DLGAP1: variants seen among roughly 807,000 people sequenced by gnomAD.
DLGAP1 encodes DLG associated protein 1.
Under a neutral mutation model 90.8 loss-of-function variants are expected in DLGAP1, and 11 were observed. The ratio of observed to expected loss-of-function variants is 0.12; its 90% CI spans 0.08 to 0.20. The LOEUF (loss-of-function observed/expected upper bound fraction) is 0.20, where lower values mean the gene tolerates loss of function less well. Among genes scored for constraint, DLGAP1 ranks in the 10% least tolerant of loss-of-function variants. The probability of loss-of-function intolerance (pLI) is 1.00; values close to 1 mark genes in which losing one functional copy is unlikely to be tolerated. For missense variants in DLGAP1, 1,050 were observed against 1,333.8 expected, an observed-to-expected ratio of 0.79 and a Z score of 3.31; for synonymous variants, 558 against 540.7, an observed-to-expected ratio of 1.03 and a Z score of -0.44.
At chr18:3,809,904 G>A (rs1293190257) in intron 5 of DLGAP1, among the ~76,000 whole-genome samples, 1 of 152,194 alleles carries the variant, frequency 6.6e-6, no homozygotes, top group Admixed American at 6.5e-5. Flanking sequence ...CTCCAAGTAA[G>A]AGACTTAAGT....
At chr18:3,877,075 T>A (rs2071023432) in intron 4 of DLGAP1, among the ~76,000 whole-genome samples, 1 of 152,198 alleles carries the variant, frequency 6.6e-6, no homozygotes, top group Non-Finnish European at 1.5e-5. Flanking sequence ...TGACTTGATA[T>A]TTCTAAGTGT....
intron 3 of DLGAP1, among the ~76,000 whole-genome samples, chr18:3,996,647 ATAT>A (rs899098700): frequency 3.0e-4 from 45 of 152,168 alleles, no homozygotes; most frequent in African/African-American, 1.0e-3. Context: ...CAAACAAAAT[ATAT>A]TATTAAAATT....
Position 4,342,921 on chromosome 18 carries a change from G to A in DLGAP1, c.-267+112085C>T, listed in dbSNP as rs2143870584. Among the ~76,000 whole-genome samples the A allele has an allele frequency of 6.6e-6, 1 of 152,210 alleles. No homozygotes were observed. Among genetic ancestry groups the A allele is most frequent in the East Asian group, 1.9e-4 (1 of 5,184 alleles). ...ATCAGATCTGAATATGAGAGATGAAGCCAAAATTTTTGGCTTTATAAAGCT... is the reference window on the plus strand; with the variant it reads ...ATCAGATCTGAATATGAGAGATGAAACCAAAATTTTTGGCTTTATAAAGCT... On this transcript the variant is annotated intron_variant, in intron 1 of 12. Transcript: ENST00000315677. The surrounding 1 kb of genome is among the most constrained non-coding windows in gnomAD (Gnocchi z 5.8).
intron 7 of DLGAP1, among the ~76,000 whole-genome samples, chr18:3,592,862 A>AG (rs1171776512): frequency 2.3e-4 from 29 of 128,186 alleles, no homozygotes; most frequent in Non-Finnish European, 3.0e-4. Flanking sequence ...AAAAAAAAAA[A>AG]AAAAAGAAAA....
At chr18:3,820,214 C>T (rs1406528540) in intron 4 of DLGAP1, among the ~76,000 whole-genome samples, 1 of 152,014 alleles carries the variant, frequency 6.6e-6, no homozygotes, top group East Asian at 1.9e-4. Flanking sequence ...ATCTGAGAGC[C>T]ACAAAAGGAA....
intron 1 of DLGAP1, among the ~76,000 whole-genome samples, chr18:4,252,969 A>G (rs1248901776): frequency 1.3e-5 from 2 of 152,230 alleles, no homozygotes; most frequent in Non-Finnish European, 2.9e-5. Context: ...AAAGTACCAT[A>G]TCAGCTAAAG....
At chr18:4,345,524 T>G (rs1445422495) in intron 1 of DLGAP1, among the ~76,000 whole-genome samples, 2 of 152,224 alleles carry the variant, frequency 1.3e-5, no homozygotes, top group African/African-American at 2.4e-5. Flanking sequence ...CTCCATTTTA[T>G]AGGTATTGGT....
At chr18:4,253,957 A>G (rs2078834885) in intron 1 of DLGAP1, among the ~76,000 whole-genome samples, 1 of 152,098 alleles carries the variant, frequency 6.6e-6, no homozygotes, top group African/African-American at 2.4e-5. Flanking sequence ...TGCCACCTTC[A>G]TGTCAGTCCC....
At chr18:4,249,607 AG>A (rs1219013849) in intron 1 of DLGAP1, among the ~76,000 whole-genome samples, 1 of 152,020 alleles carries the variant, frequency 6.6e-6, no homozygotes, top group Non-Finnish European at 1.5e-5. Flanking sequence ...TTTTCTTTTG[AG>A]ACAGGGTCTC....
intron 1 of DLGAP1, chr18:4,275,417 T>C (rs2079388061): frequency 1.3e-5 from 2 of 152,218 alleles, no homozygotes; most frequent in Non-Finnish European, 2.9e-5. Flanking sequence ...AAATTCAACC[T>C]GCCTCCATGT....
chr18:3,947,402 C>T (rs1162839649), intron 3 of DLGAP1, among the ~76,000 whole-genome samples: 2 of 152,190 alleles, frequency 1.3e-5, no homozygotes, highest in African/African-American at 2.4e-5. Context: ...CTACCTCTCC[C>T]TGTCCCCTCA....
In DLGAP1 at chr18:3,814,217, T is replaced by C; in HGVS notation, c.1014A>G (p.Pro338=). 9 of 1,614,212 alleles carry C rather than the reference T, an allele frequency of 5.6e-6. No homozygotes were observed. The highest frequency in any genetic ancestry group is 7.6e-6 in the Non-Finnish European group (9 of 1,180,028). ...AACTGCCACTCCGCATTCTTCGGCA[T>C]GGAATTTCATCATCTTTACCTCGTG... ...YTPRGKDDEI[P]CRRMRSGSYI... The change falls in exon 5 of 13, where the codon CCA becomes CCG. Residue 338 remains proline (P), a synonymous_variant. Coordinates refer to ENST00000315677, the MANE Select transcript of DLGAP1 (RefSeq NM_004746.4).
intron 1 of DLGAP1, among the ~76,000 whole-genome samples, chr18:4,370,020 G>A (rs960206812): frequency 1.3e-5 from 2 of 151,958 alleles, no homozygotes; most frequent in East Asian, 1.9e-4. Context: ...GACTGAAGGC[G>A]GGAAAACTAA....
intron 4 of DLGAP1, among the ~76,000 whole-genome samples, chr18:3,854,844 T>C (rs765794006): frequency 1.6e-4 from 24 of 152,182 alleles, no homozygotes; most frequent in Non-Finnish European, 3.1e-4. Flanking sequence ...TAGAAGTTCA[T>C]GGCCAAAGAG....
intron 7 of DLGAP1, among the ~76,000 whole-genome samples, chr18:3,698,970 G>A (rs1202070764): frequency 2.0e-5 from 3 of 151,822 alleles, no homozygotes; most frequent in African/African-American, 7.3e-5. Flanking sequence ...CGAAGTCCTC[G>A]TGCTGTGTTT....
chr18:3,622,249 C>T (rs568754040), intron 7 of DLGAP1, among the ~76,000 whole-genome samples: 9 of 152,096 alleles, frequency 5.9e-5, no homozygotes, highest in Admixed American at 1.3e-4. Context: ...GGACTACAGG[C>T]GCCCACCAAC....
chr18:3,643,404 C>T (rs1410919059), intron 7 of DLGAP1, among the ~76,000 whole-genome samples: 3 of 152,050 alleles, frequency 2.0e-5, no homozygotes, highest in Non-Finnish European at 4.4e-5. Flanking sequence ...TGGCTCACGC[C>T]TATAATCCTA....
intron 2 of DLGAP1, among the ~76,000 whole-genome samples, chr18:4,016,797 A>G (rs1038324518): frequency 2.6e-5 from 4 of 152,320 alleles, no homozygotes; most frequent in Non-Finnish European, 5.9e-5. Context: ...AGCTCAGTTC[A>G]GGGTCAGTGC....
At chr18:4,227,898 A>G (rs1213426985) in intron 1 of DLGAP1, among the ~76,000 whole-genome samples, 1 of 151,818 alleles carries the variant, frequency 6.6e-6, no homozygotes, top group Non-Finnish European at 1.5e-5. Context: ...AATACAAAAG[A>G]TGACTAAAAT....
Sources: gnomAD v4.1 joint callset for allele counts (sites outside exome capture counted in the v4.1 genomes callset) on GRCh38, gnomAD v4.1.1 for gene constraint, Gnocchi (gnomAD v3.1) non-coding constraint, MANE v1.5 for transcripts, NCBI Gene and HGNC (gene_info 2026-07-23, HGNC 2026-07-21) for gene names.